KATNAL2: variants seen among roughly 807,000 people sequenced by gnomAD.
The protein encoded by KATNAL2 is katanin catalytic subunit A1 like 2, also known as katanin p60 ATPase-containing subunit A-like 2.
KATNAL2 carries 52 observed loss-of-function variants against 76.3 expected under a neutral mutation model. The observed-to-expected ratio is 0.68, with a 90% confidence interval of 0.55 to 0.86. The LOEUF (loss-of-function observed/expected upper bound fraction) is 0.86, where lower values mean the gene tolerates loss of function less well. Among genes scored for constraint, KATNAL2 ranks in the 40% least tolerant of loss-of-function variants. The pLI is 0.00. For synonymous variants in KATNAL2, 243 were observed against 244.2 expected (o/e 1.00, Z 0.05); for missense variants, 660 against 668.9 (o/e 0.99, Z 0.15).
intron 6 of KATNAL2, 56 bp downstream of exon 6, chr18:47,054,494 C>T (rs2061418623): frequency 2.0e-6 from 3 of 1,522,352 alleles, no homozygotes; most frequent in Non-Finnish European, 2.7e-6. Context: ...TTGTGGAATC[C>T]CTTTCCAGAA....
intron 15 of KATNAL2, among the ~76,000 whole-genome samples, chr18:47,094,335 T>C (rs1401242921): frequency 6.6e-6 from 1 of 152,194 alleles, no homozygotes; most frequent in East Asian, 1.9e-4. Flanking sequence ...TTAATAGCAG[T>C]TCAAAATGGA....
chr18:47,064,825 A>G (rs2061740119), intron 10 of KATNAL2, among the ~76,000 whole-genome samples: 1 of 152,122 alleles, frequency 6.6e-6, no homozygotes, highest in East Asian at 1.9e-4. Flanking sequence ...AGAGCTCACC[A>G]CCTCATGAGG....
At chr18:46,923,375 C>A (rs538011630) in intron 1 of KATNAL2, among the ~76,000 whole-genome samples, 144 of 152,084 alleles carry the variant, frequency 9.5e-4, no homozygotes, top group Admixed American at 2.5e-3. Flanking sequence ...CCAGTTTCAT[C>A]CATGTCCCTA....
At chr18:47,039,217 T>C (rs991570981) in intron 3 of KATNAL2, among the ~76,000 whole-genome samples, 2 of 152,198 alleles carry the variant, frequency 1.3e-5, no homozygotes, top group Admixed American at 6.5e-5. Context: ...TCTCCCACAT[T>C]TTGCATTTTA....
At chr18:47,092,877 G>A (rs1327101986) in intron 15 of KATNAL2, among the ~76,000 whole-genome samples, 2 of 152,140 alleles carry the variant, frequency 1.3e-5, no homozygotes, top group Admixed American at 6.5e-5. Flanking sequence ...TACATGGGAG[G>A]TAATTTTTTT....
rs1483214325 is a variant in KATNAL2, at chr18:46,917,794, G to C, written c.-642G>C. 1 of 155,896 alleles carries C rather than the reference G, an allele frequency of 6.4e-6. No individual in the cohort carries two copies. The highest frequency in any genetic ancestry group is 1.4e-5 in the Non-Finnish European group (1 of 71,368). 9.7% of individuals were successfully genotyped at this position (155,896 alleles called of 1,614,324 possible). ...GGCGGGGAGGAAGAAGAGGCGGCCGGGACGCGTGACAGGAGCATTCGGGAA... is the reference window on the plus strand; with the variant it reads ...GGCGGGGAGGAAGAAGAGGCGGCCGCGACGCGTGACAGGAGCATTCGGGAA... On this transcript the variant is annotated 5_prime_UTR_variant, in exon 1 of 18. Transcript: ENST00000683218.
chr18:46,931,368 A>G (rs115606123), intron 1 of KATNAL2, among the ~76,000 whole-genome samples: 1,897 of 151,984 alleles, frequency 0.012, 37 homozygotes, highest in African/African-American at 0.042. Context: ...AAAATTTAAA[A>G]AGGCAGGGTG....
chr18:47,039,782 C>T (rs181922830), intron 3 of KATNAL2, among the ~76,000 whole-genome samples: 216 of 152,258 alleles, frequency 1.4e-3, no homozygotes, highest in African/African-American at 5.0e-3. Context: ...AATGCATGTA[C>T]GAAGCAACTA....
At chr18:46,950,102 C>A (rs1654775674) in intron 3 of KATNAL2, among the ~76,000 whole-genome samples, 1 of 152,236 alleles carries the variant, frequency 6.6e-6, no homozygotes, top group Admixed American at 6.5e-5. Flanking sequence ...TAACGTCTGA[C>A]AACTCCATAG....
chr18:47,078,118 G>T (rs2062327126), intron 15 of KATNAL2, among the ~76,000 whole-genome samples: 2 of 152,152 alleles, frequency 1.3e-5, no homozygotes, highest in Non-Finnish European at 2.9e-5. Flanking sequence ...GGCAAAGCAG[G>T]AGACAGATAA....
chr18:46,941,240 G>A (rs2059238055), intron 1 of KATNAL2, among the ~76,000 whole-genome samples: 1 of 151,972 alleles, frequency 6.6e-6, no homozygotes, highest in Non-Finnish European at 1.5e-5. Context: ...GGGGGCTGCT[G>A]AGGCAGGGGA....
intron 15 of KATNAL2, among the ~76,000 whole-genome samples, chr18:47,084,165 C>G (rs2062656889): frequency 6.6e-6 from 1 of 152,130 alleles, no homozygotes; most frequent in Non-Finnish European, 1.5e-5. Context: ...CTTTTTTCAG[C>G]CAAATTTGAA....
At chr18:47,076,893 A>C (rs558020603) in intron 14 of KATNAL2, among the ~76,000 whole-genome samples, 1 of 151,672 alleles carries the variant, frequency 6.6e-6, no homozygotes, top group Admixed American at 6.6e-5. Flanking sequence ...GATCCTAAAA[A>C]AACATATACC....
intron 3 of KATNAL2, chr18:47,035,332 G>T: frequency 6.2e-7 from 1 of 1,606,192 alleles, no homozygotes; most frequent in South Asian, 1.1e-5. Context: ...TGCGGGACAG[G>T]AAGTCTGGGG....
intron 1 of KATNAL2, among the ~76,000 whole-genome samples, chr18:46,945,492 C>T (rs747748133): frequency 1.1e-4 from 17 of 152,104 alleles, no homozygotes; most frequent in Admixed American, 2.0e-4. Context: ...GTAAGCAGTT[C>T]GCTTGTGTTA....
At chr18:46,957,008 G>T (rs1369715085) in intron 3 of KATNAL2, among the ~76,000 whole-genome samples, 1 of 142,940 alleles carries the variant, frequency 7.0e-6, no homozygotes, top group Non-Finnish European at 1.5e-5. Flanking sequence ...ATGCCATTCA[G>T]CCTGGGACAC....
intron 15 of KATNAL2, chr18:47,084,274 A>G (rs1341723937): frequency 2.9e-6 from 2 of 698,566 alleles, no homozygotes; most frequent in Non-Finnish European, 5.2e-6. Flanking sequence ...ACATTGCTAT[A>G]GCAATGCATG....
chr18:46,954,192 T>C (rs2059653567), intron 3 of KATNAL2, among the ~76,000 whole-genome samples: 1 of 151,888 alleles, frequency 6.6e-6, no homozygotes, highest in Non-Finnish European at 1.5e-5. Context: ...AATACCCTGT[T>C]CAGCATGCTC....
intron 1 of KATNAL2, among the ~76,000 whole-genome samples, chr18:46,924,081 T>C (rs1311167047): frequency 6.6e-6 from 1 of 152,236 alleles, no homozygotes; most frequent in Non-Finnish European, 1.5e-5. Flanking sequence ...TTAGTTTAAT[T>C]AGATTCCATT....
Sources: gnomAD v4.1 joint callset for allele counts (sites outside exome capture counted in the v4.1 genomes callset) on GRCh38, gnomAD v4.1.1 for gene constraint, MANE v1.5 for transcripts, NCBI Gene and HGNC (gene_info 2026-07-23, HGNC 2026-07-21) for gene names.